RNF38: variants seen among roughly 807,000 people sequenced by gnomAD.
RNF38 encodes the protein E3 ubiquitin-protein ligase RNF38.
A neutral mutation model predicts 67.2 loss-of-function variants in RNF38; 15 were observed. The ratio of observed to expected loss-of-function variants is 0.22; its 90% CI spans 0.15 to 0.34. RNF38 has a LOEUF of 0.34. RNF38 is among the 10% of genes least tolerant of loss of function. The probability of loss-of-function intolerance (pLI) is 1.00; values close to 1 mark genes in which losing one functional copy is unlikely to be tolerated. For synonymous variants in RNF38, 220 were observed against 218.8 expected, an observed-to-expected ratio of 1.01 and a Z score of -0.05; for missense variants, 524 against 639.9, an observed-to-expected ratio of 0.82 and a Z score of 1.95.
chr9:36,344,963 T>TA lies in RNF38; in HGVS notation c.1264-11dup. 2.5e-6 allele frequency: 4 copies of TA among 1,597,878 alleles called. No individual in the cohort carries two copies. The highest frequency in any genetic ancestry group is 3.4e-6 in the Non-Finnish European group (4 of 1,172,564). ...CCAGGTTTAACAGGGCCTGCAGCGG[T>TA]AAAAGACGACATATTTTCATCTATC... On this transcript the variant is annotated splice_polypyrimidine_tract_variant and intron_variant, in intron 9 of 11. Transcript: ENST00000259605.
intron 2 of RNF38, among the ~76,000 whole-genome samples, chr9:36,424,410 C>A (rs1187931249): frequency 2.0e-5 from 3 of 152,122 alleles, no homozygotes; most frequent in Non-Finnish European, 4.4e-5. Context: ...AAAGTCCAAC[C>A]CACCTCGGGT....
intron 2 of RNF38, among the ~76,000 whole-genome samples, chr9:36,380,581 A>T (rs1316749073): frequency 7.9e-5 from 12 of 151,928 alleles, no homozygotes; most frequent in Admixed American, 7.9e-4. Flanking sequence ...CAACCTCCAC[A>T]TCCCGGGCTA....
intron 1 of RNF38, among the ~76,000 whole-genome samples, chr9:36,467,291 AAT>A (rs1236753234): frequency 5.0e-4 from 73 of 146,376 alleles, no homozygotes; most frequent in African/African-American, 1.7e-3. Context: ...GGGTAACAGT[AAT>A]AGTGAAATTA....
At chr9:36,472,025 T>A (rs568521953) in intron 1 of RNF38, among the ~76,000 whole-genome samples, 24 of 152,302 alleles carry the variant, frequency 1.6e-4, no homozygotes, top group East Asian at 3.9e-4. Context: ...ATATCAATTT[T>A]AAAAAAACAA....
At chr9:36,455,570 CA>C (rs1035161001) in intron 1 of RNF38, among the ~76,000 whole-genome samples, 1 of 151,956 alleles carries the variant, frequency 6.6e-6, no homozygotes, top group Non-Finnish European at 1.5e-5. Context: ...ATCATGAGGT[CA>C]GGAGTTCAAG....
At chr9:36,451,491 G>GTTTTTTTTT (rs374396585) in intron 1 of RNF38, among the ~76,000 whole-genome samples, 1 of 58,670 alleles carries the variant, frequency 1.7e-5, no homozygotes, top group Non-Finnish European at 3.1e-5. Flanking sequence ...AATTGTAGTA[G>GTTTTTTTTT]TTTTTTTTTT....
intron 7 of RNF38, 23 bp from the exon 8 acceptor site, chr9:36,352,871 A>G (rs766767073): frequency 6.0e-6 from 9 of 1,499,120 alleles, no homozygotes; most frequent in Non-Finnish European, 8.4e-6. Context: ...AAATGTTAAG[A>G]TTTAGAATCA....
intron 1 of RNF38, among the ~76,000 whole-genome samples, chr9:36,460,713 C>G (rs2134372277): frequency 6.7e-6 from 1 of 149,772 alleles, no homozygotes; most frequent in East Asian, 2.0e-4. Flanking sequence ...CGTGGAGAAA[C>G]CCCATCTCTA....
At chr9:36,407,678 A>C (rs1838215694) in intron 2 of RNF38, among the ~76,000 whole-genome samples, 1 of 152,008 alleles carries the variant, frequency 6.6e-6, no homozygotes, top group African/African-American at 2.4e-5. Context: ...TTGAAGCCAC[A>C]CTCTTGCTTG....
chr9:36,339,862 A>T, intron 11 of RNF38, 48 bp from the exon 12 acceptor site: 1 of 1,411,918 alleles, frequency 7.1e-7, no homozygotes, highest in South Asian at 1.2e-5. Flanking sequence ...ACATACAATG[A>T]AACACATTCA....
intron 4 of RNF38, among the ~76,000 whole-genome samples, chr9:36,359,696 C>T (rs1309358368): frequency 6.6e-6 from 1 of 151,576 alleles, no homozygotes; most frequent in African/African-American, 2.4e-5. Context: ...TAAGATTGTA[C>T]TAAATATGTT....
At chr9:36,436,653 C>G (rs945458734) in intron 1 of RNF38, among the ~76,000 whole-genome samples, 4 of 151,504 alleles carry the variant, frequency 2.6e-5, no homozygotes, top group Non-Finnish European at 4.4e-5. Context: ...GAAACCCCTT[C>G]TCTACTAAAA....
intron 3 of RNF38, among the ~76,000 whole-genome samples, chr9:36,374,850 C>T (rs947780983): frequency 1.3e-5 from 2 of 152,196 alleles, no homozygotes; most frequent in Non-Finnish European, 2.9e-5. Flanking sequence ...ACGTTAATTA[C>T]ACTTCCTTAG....
At chr9:36,352,269 C>T (rs1413363757) in intron 8 of RNF38, among the ~76,000 whole-genome samples, 1 of 151,736 alleles carries the variant, frequency 6.6e-6, no homozygotes, top group Non-Finnish European at 1.5e-5. Context: ...GGTGCCACTG[C>T]ACTCCAGCAC....
chr9:36,360,812 GCA>G (rs1834469304), intron 4 of RNF38, among the ~76,000 whole-genome samples: 1 of 152,098 alleles, frequency 6.6e-6, no homozygotes, highest in East Asian at 1.9e-4. Context: ...CCGACCAACT[GCA>G]CACACATTTT....
At chr9:36,434,812 A>C (rs1839024488) in intron 1 of RNF38, among the ~76,000 whole-genome samples, 1 of 152,216 alleles carries the variant, frequency 6.6e-6, no homozygotes, top group Non-Finnish European at 1.5e-5. Flanking sequence ...TCAAGATTAG[A>C]ACTGGCTCCA....
At chr9:36,460,537 G>GCACAGTAGTGGGA (rs1357520750) in intron 1 of RNF38, among the ~76,000 whole-genome samples, 1 of 152,042 alleles carries the variant, frequency 6.6e-6, no homozygotes, top group Admixed American at 6.6e-5. Context: ...CCTAGTCCCA[G>GCACAGTAGTGGGA]AACACTTAAT....
rs7854992 is a variant in RNF38 at position 36,350,668 on chromosome 9, T to C, written c.1263+447A>G. Among the ~76,000 whole-genome samples the C allele has an allele frequency of 2.4e-3, 370 of 152,388 alleles. 1 individual carries two copies. The highest frequency in any genetic ancestry group is 8.6e-3 in the African/African-American group (356 of 41,596). On this transcript the variant is annotated intron_variant, in intron 9 of 11. Coordinates refer to ENST00000259605, the MANE Select transcript of RNF38 (RefSeq NM_022781.5). ...CACTGTTTTCTCATTTGCATTCTCA[T>C]TGGAATTGTACGTAATTCTAATAGA...
At chr9:36,393,610 G>A (rs1315398184) in intron 1 of RNF38, among the ~76,000 whole-genome samples, 2 of 151,428 alleles carry the variant, frequency 1.3e-5, no homozygotes, top group East Asian at 2.0e-4. Context: ...GCGCAGGCAG[G>A]GCTGTGAATG....
Sources: allele counts gnomAD v4.1 joint callset (sites outside exome capture counted in the v4.1 genomes callset), GRCh38; gene constraint gnomAD v4.1.1; transcripts MANE v1.5; gene names NCBI Gene and HGNC (gene_info 2026-07-23, HGNC 2026-07-21).